Variants in GAS7 observed in about 807,000 individuals in gnomAD.
The protein encoded by GAS7 is growth arrest specific 7.
In GAS7, 28 loss-of-function variants were observed where a neutral mutation model predicts 71.1. That is an observed-to-expected ratio of 0.39 (90% CI 0.29 to 0.54). GAS7 has a LOEUF of 0.54. Ranked by LOEUF, GAS7 falls within the 20% of genes least tolerant of loss-of-function variation. GAS7 has a pLI of 0.62. For synonymous variants in GAS7, 258 were observed against 245.8 expected (o/e 1.05, Z -0.46); for missense variants, 436 against 627.8 (o/e 0.69, Z 3.27).
chr17:10,003,459 T>TG (rs1219868990), intron 2 of GAS7, among the ~76,000 whole-genome samples: 1 of 152,208 alleles, frequency 6.6e-6, no homozygotes, highest in Admixed American at 6.5e-5. Context: ...AGGCCCCCCA[T>TG]GGGGTCCCCA....
At chr17:9,951,818 A>G (rs377424557) in intron 5 of GAS7, among the ~76,000 whole-genome samples, 2 of 149,408 alleles carry the variant, frequency 1.3e-5, no homozygotes, top group African/African-American at 2.5e-5. Context: ...TGTCAGGAAG[A>G]GGCTTGGCCA....
At chr17:9,961,355 T>A (rs1402771414) in intron 4 of GAS7, among the ~76,000 whole-genome samples, 1 of 152,162 alleles carries the variant, frequency 6.6e-6, no homozygotes, top group African/African-American at 2.4e-5. Context: ...GAGACAGGGA[T>A]AGAAGTCTCT....
chr17:10,027,104 AAGG>A (rs2072482642), intron 1 of GAS7: 1 of 152,166 alleles, frequency 6.6e-6, no homozygotes, highest in Non-Finnish European at 1.5e-5. Flanking sequence ...CTTGGCCTGG[AAGG>A]AGGAGGTTGG....
At chr17:10,005,394 C>T (rs1024427923) in intron 2 of GAS7, among the ~76,000 whole-genome samples, 2 of 151,818 alleles carry the variant, frequency 1.3e-5, no homozygotes, top group African/African-American at 2.4e-5. Context: ...CACCCTCACC[C>T]GCAATACTTG....
At chr17:10,195,884 G>GCC (rs1009223072) in intron 1 of GAS7, among the ~76,000 whole-genome samples, 2 of 152,082 alleles carry the variant, frequency 1.3e-5, no homozygotes, top group Admixed American at 1.3e-4. Flanking sequence ...TGACCCACAT[G>GCC]CCCCCCTGTT....
intron 7 of GAS7, among the ~76,000 whole-genome samples, chr17:9,942,842 T>C (rs903982385): frequency 6.6e-6 from 1 of 152,258 alleles, no homozygotes; most frequent in African/African-American, 2.4e-5. Context: ...ATCCTGCCAA[T>C]GCTTCTGCTC....
chr17:10,196,533 C>A (rs1393039390), intron 1 of GAS7, among the ~76,000 whole-genome samples: 1 of 152,158 alleles, frequency 6.6e-6, no homozygotes, highest in East Asian at 1.9e-4. Flanking sequence ...CCAAAACTGT[C>A]CCAGTTGTTA....
intron 1 of GAS7, among the ~76,000 whole-genome samples, chr17:10,043,076 G>A (rs1192990514): frequency 3.3e-5 from 5 of 152,178 alleles, no homozygotes; most frequent in Non-Finnish European, 5.9e-5. Context: ...AGGCTGACAA[G>A]GAGTTCACAG....
intron 1 of GAS7, among the ~76,000 whole-genome samples, chr17:10,129,072 C>T (rs1294826717): frequency 3.3e-5 from 5 of 152,086 alleles, no homozygotes; most frequent in African/African-American, 4.8e-5. Flanking sequence ...TAAGAGGAGC[C>T]TTGATAGCAA....
At chr17:10,187,727 C>T (rs2074466143) in intron 1 of GAS7, among the ~76,000 whole-genome samples, 1 of 152,152 alleles carries the variant, frequency 6.6e-6, no homozygotes, top group South Asian at 2.1e-4. Context: ...AAATCCACCC[C>T]TCAAAAGACA....
chr17:10,013,167 C>T (rs527577730), intron 2 of GAS7, among the ~76,000 whole-genome samples: 4 of 151,900 alleles, frequency 2.6e-5, no homozygotes, highest in Admixed American at 6.6e-5. Flanking sequence ...CTTTCCACCA[C>T]GTCAGAATGC....
In GAS7 at chr17:10,020,687, G is replaced by A. The variant is rs540809319; in HGVS notation, c.184-790C>T. On this transcript the variant is annotated intron_variant, in intron 1 of 13. Transcript: ENST00000432992. ...AGCACTTTGGGAGGCCGAGGCGGGC[G>A]GATTGCCTAAGCTCAGGAGTTCGCG... is the stretch of plus-strand genomic sequence containing the variant. 5.9e-5 allele frequency among the ~76,000 whole-genome samples: 9 copies of A among 152,096 alleles called. No homozygotes were observed. In the South Asian group the frequency reaches 1.5e-3, roughly 25 times the overall value.
intron 1 of GAS7, among the ~76,000 whole-genome samples, chr17:10,131,871 A>G (rs2074000130): frequency 1.3e-5 from 2 of 152,214 alleles, no homozygotes; most frequent in South Asian, 4.1e-4. Flanking sequence ...TGAATGTATA[A>G]AAATGTGCTC....
In GAS7 at chr17:10,063,275, C is replaced by T. The variant is rs144268653; in HGVS notation, c.184-43378G>A. Among the ~76,000 whole-genome samples the T allele has an allele frequency of 2.7e-3, 418 of 152,308 alleles. 1 individual carries two copies. The highest frequency in any genetic ancestry group is 9.6e-3 in the African/African-American group (398 of 41,568). ...TGGTGGCACCTGGCACGTGTGTGTG[C>T]GCGCGCACGCGTTTGTGTGTCTGTG... On this transcript the variant is annotated intron_variant, in intron 1 of 13. Transcript: ENST00000432992.
intron 9 of GAS7, 103 bp downstream of exon 9, chr17:9,934,062 CA>C (rs2068304229): frequency 1.3e-6 from 1 of 795,940 alleles, no homozygotes; most frequent in Non-Finnish European, 2.2e-6. Flanking sequence ...CTGAAGTTTA[CA>C]CCAGGGAAAA....
chr17:10,088,839 T>C (rs955739615), intron 1 of GAS7, among the ~76,000 whole-genome samples: 3 of 151,832 alleles, frequency 2.0e-5, no homozygotes, highest in Non-Finnish European at 4.4e-5. Flanking sequence ...AACCATAGCT[T>C]CTCTGAGACA....
intron 1 of GAS7, among the ~76,000 whole-genome samples, chr17:10,196,430 T>C (rs546902862): frequency 6.6e-6 from 1 of 152,302 alleles, no homozygotes; most frequent in Non-Finnish European, 1.5e-5. Context: ...TGGATGCTTC[T>C]GTTGCAAGTT....
intron 1 of GAS7, among the ~76,000 whole-genome samples, chr17:10,072,746 G>A (rs916637730): frequency 2.0e-5 from 3 of 152,182 alleles, no homozygotes; most frequent in Non-Finnish European, 4.4e-5. Flanking sequence ...TGCCAGCACC[G>A]TTTCCGAGAC....
chr17:9,975,998 G>A (rs552978456), intron 3 of GAS7, among the ~76,000 whole-genome samples: 8 of 152,310 alleles, frequency 5.3e-5, no homozygotes, highest in Non-Finnish European at 1.0e-4. Context: ...GGAAGGCCTC[G>A]CAGGTTCCTT....
Sources: allele counts gnomAD v4.1 joint callset (sites outside exome capture counted in the v4.1 genomes callset), GRCh38; gene constraint gnomAD v4.1.1; transcripts MANE v1.5; gene names NCBI Gene and HGNC (gene_info 2026-07-23, HGNC 2026-07-21).